The following GRHL2 variants were observed in gnomAD, a reference collection of about 807,000 sequenced individuals.
The protein encoded by GRHL2 is grainyhead like transcription factor 2, also known as grainyhead-like protein 2 homolog.
GRHL2 carries 21 observed loss-of-function variants against 83.8 expected under a neutral mutation model. The observed-to-expected ratio is 0.25, with a 90% CI of 0.18 to 0.36. The LOEUF is 0.36. Ranked by LOEUF, GRHL2 falls within the 10% of genes least tolerant of loss-of-function variation. The probability of loss-of-function intolerance (pLI) is 1.00; values close to 1 mark genes in which losing one functional copy is unlikely to be tolerated. For synonymous variants in GRHL2, 280 were observed against 278.9 expected (o/e 1.00, Z -0.04); for missense variants, 623 against 781.8 (o/e 0.80, Z 2.42).
At chr8:101,677,529 A>G in the GRHL2 span, among the ~76,000 whole-genome samples, 1 of 180 alleles carries the variant, frequency 5.6e-3, no homozygotes. Context: ...TGGTATTGGA[A>G]AAAAAAAATA....
intron 3 of GRHL2, among the ~76,000 whole-genome samples, chr8:101,553,586 C>T (rs1811430418): frequency 6.6e-6 from 1 of 150,978 alleles, no homozygotes; most frequent in Non-Finnish European, 1.5e-5. Context: ...GGGACCGAAT[C>T]ACCCTGCTCA....
chr8:101,678,494 C>T, the GRHL2 span, among the ~76,000 whole-genome samples: 7 of 151,100 alleles, frequency 4.6e-5, no homozygotes, highest in East Asian at 1.9e-4. Context: ...AAGGTGGCAG[C>T]GAGGCTGGGG....
chr8:101,555,177 G>A (rs1811466195), intron 3 of GRHL2, among the ~76,000 whole-genome samples: 1 of 152,164 alleles, frequency 6.6e-6, no homozygotes. Context: ...TAAATATTTT[G>A]GCAAAGCCAA....
chr8:101,618,387 G>A (rs1812896917), intron 8 of GRHL2, among the ~76,000 whole-genome samples: 1 of 152,094 alleles, frequency 6.6e-6, no homozygotes, highest in South Asian at 2.1e-4. Context: ...ATCTCTTGAT[G>A]CGCTGTGCTG....
intron 14 of GRHL2, among the ~76,000 whole-genome samples, chr8:101,655,215 T>G (rs1586175746): frequency 6.6e-6 from 1 of 150,846 alleles, no homozygotes; most frequent in African/African-American, 2.4e-5. Context: ...GAAGTCTCCC[T>G]GTAAGAGTGA....
intron 7 of GRHL2, among the ~76,000 whole-genome samples, chr8:101,586,967 T>A (rs1281941052): frequency 6.6e-6 from 1 of 152,238 alleles, no homozygotes; most frequent in Non-Finnish European, 1.5e-5. Context: ...CTTAAATACC[T>A]CTGAGACTTA....
In GRHL2 at chr8:101,601,144, T is replaced by A. The variant is rs1176971189; in HGVS notation, c.1098+1993T>A. On this transcript the variant is annotated intron_variant, in intron 8 of 15. Transcript: ENST00000646743. ...CACTGTACTCTAGCCTGGGTAACAG[T>A]ATGAGACTGTCTTAAACACACACAC... Among the ~76,000 whole-genome samples the A allele has an allele frequency of 2.9e-5, 4 of 139,170 alleles. No homozygotes were observed. The East Asian group carries it at 8.0e-4, about 28-fold the overall frequency. 91.3% of individuals were successfully genotyped at this position (139,170 alleles called of 152,430 possible). A position where few individuals can be genotyped will look rare whatever the true frequency, so the allele number is the denominator to read the frequency against.
intron 11 of GRHL2, among the ~76,000 whole-genome samples, chr8:101,634,781 C>T (rs1363241720): frequency 6.6e-6 from 1 of 152,148 alleles, no homozygotes; most frequent in African/African-American, 2.4e-5. Flanking sequence ...TCTCAGGCCA[C>T]CTGCCCCCCA....
At position 101,532,070 on chromosome 8, in the gene GRHL2, A is replaced by C. The variant is rs990357731; in HGVS notation, c.21-11171A>C. 4.6e-5 allele frequency among the ~76,000 whole-genome samples: 7 copies of C among 152,242 alleles called. No homozygotes were observed. The East Asian group carries it at 1.3e-3, about 29-fold the overall frequency. On this transcript the variant is annotated intron_variant, in intron 1 of 15. Transcript: ENST00000646743. ...AATATCGTCCTGGGCTTATGGATTC[A>C]TTTCACTTCTAACATGGAAAGTATC... is the stretch of plus-strand genomic sequence containing the variant.
At chr8:101,530,133 T>C (rs188127503) in intron 1 of GRHL2, among the ~76,000 whole-genome samples, 86 of 152,310 alleles carry the variant, frequency 5.6e-4, no homozygotes, top group Non-Finnish European at 4.6e-4. Flanking sequence ...TTTTCCAAGC[T>C]CAGAGAGAAA....
chr8:101,494,053 C>T (rs1032014244), intron 1 of GRHL2, among the ~76,000 whole-genome samples: 1 of 152,160 alleles, frequency 6.6e-6, no homozygotes, highest in Non-Finnish European at 1.5e-5. Flanking sequence ...ATTGGAAGTG[C>T]GCGGGGCCGC....
In GRHL2 at chr8:101,585,985, C is replaced by T. The variant is rs533073770; in HGVS notation, c.1003+8466C>T. ...CTCCAGGGAAGGGTCAGGATTCTATCCCCAGCTCCAGTCCCTGATCCCTGC... is the reference window on the plus strand; with the variant it reads ...CTCCAGGGAAGGGTCAGGATTCTATTCCCAGCTCCAGTCCCTGATCCCTGC... On this transcript the variant is annotated intron_variant, in intron 7 of 15. Coordinates refer to ENST00000646743, the MANE Select transcript of GRHL2 (RefSeq NM_024915.4). 2.6e-5 allele frequency among the ~76,000 whole-genome samples: 4 copies of T among 151,984 alleles called. No individual in the cohort carries two copies. In the South Asian group the frequency reaches 8.3e-4, roughly 32 times the overall value.
intron 9 of GRHL2, among the ~76,000 whole-genome samples, chr8:101,621,839 G>A (rs1181493442): frequency 2.0e-5 from 3 of 152,020 alleles, no homozygotes; most frequent in Non-Finnish European, 4.4e-5. Context: ...TTGAGGTTAC[G>A]GTGACCTATG....
intron 14 of GRHL2, among the ~76,000 whole-genome samples, chr8:101,657,192 C>T (rs537316885): frequency 7.9e-5 from 12 of 152,122 alleles, no homozygotes; most frequent in South Asian, 6.2e-4. Flanking sequence ...ATATCTTAAG[C>T]GCCCCCAGTG....
At chr8:101,573,863 C>T (rs202043373) in intron 6 of GRHL2, 39 bp downstream of exon 6, 15 of 1,609,112 alleles carry the variant, frequency 9.3e-6, no homozygotes, top group African/African-American at 1.3e-5. Flanking sequence ...CAAAGGAATC[C>T]GATGAACGGA....
intron 7 of GRHL2, among the ~76,000 whole-genome samples, chr8:101,583,747 C>T (rs1368339417): frequency 6.6e-6 from 1 of 152,176 alleles, no homozygotes; most frequent in Non-Finnish European, 1.5e-5. Flanking sequence ...TCCAAAACCA[C>T]GTTCTCGGGA....
At chr8:101,523,982 C>G (rs1420191181) in intron 1 of GRHL2, among the ~76,000 whole-genome samples, 1 of 152,058 alleles carries the variant, frequency 6.6e-6, no homozygotes, top group African/African-American at 2.4e-5. Flanking sequence ...AATAGAATGC[C>G]CCACCATTTG....
At chr8:101,635,985 A>G (rs1813276506) in intron 11 of GRHL2, among the ~76,000 whole-genome samples, 1 of 152,172 alleles carries the variant, frequency 6.6e-6, no homozygotes, top group African/African-American at 2.4e-5. Flanking sequence ...AGGGACAGTG[A>G]CTAATATACT....
At chr8:101,575,171 ATG>A (rs1811908249) in intron 6 of GRHL2, among the ~76,000 whole-genome samples, 1 of 151,916 alleles carries the variant, frequency 6.6e-6, no homozygotes, top group Admixed American at 6.6e-5. Context: ...CCTCTTGTAT[ATG>A]AGCATCTGGT....
Sources: allele counts gnomAD v4.1 joint callset (sites outside exome capture counted in the v4.1 genomes callset), GRCh38; gene constraint gnomAD v4.1.1; transcripts MANE v1.5; gene names NCBI Gene and HGNC (gene_info 2026-07-23, HGNC 2026-07-21).